CEBPZ: variants seen among roughly 807,000 people sequenced by gnomAD.
CEBPZ encodes CCAAT/enhancer-binding protein zeta.
Under a neutral mutation model 104.5 loss-of-function variants are expected in CEBPZ, and 78 were observed. The observed-to-expected ratio is 0.75, with a 90% confidence interval of 0.62 to 0.90. The LOEUF (loss-of-function observed/expected upper bound fraction) is 0.90. Among genes scored for constraint, CEBPZ ranks in the 40% least tolerant of loss-of-function variants. CEBPZ has a pLI of 0.00. For missense variants in CEBPZ, 1,439 were observed against 1,233.5 expected, an observed-to-expected ratio of 1.17 and a Z score of -2.50; for synonymous variants, 470 against 427.0, an observed-to-expected ratio of 1.10 and a Z score of -1.24.
chr2:37,222,558 A>G lies in CEBPZ; in HGVS notation c.1887T>C (p.Ser629=), dbSNP rs1258369862. 1.2e-5 allele frequency: 19 copies of G among 1,581,314 alleles called. No homozygotes were observed. The highest frequency in any genetic ancestry group is 1.5e-5 in the Non-Finnish European group (17 of 1,169,122). Residue 629 remains serine (S), a synonymous_variant, in exon 4 of 16, where the codon TCT becomes TCC. Coordinates refer to ENST00000234170, the MANE Select transcript of CEBPZ (RefSeq NM_005760.3). ...CATCAATAAAATTTTCTTCATCATC[A>G]GACTCCTAACAAAAGTATAGTTTCA... ...LRSQLDDHPE[S]DDEENFIDAN... is the part of the protein sequence containing the mutation.
intron 12 of CEBPZ, chr2:37,211,291 C>T (rs1034460979): frequency 2.0e-4 from 77 of 380,730 alleles, no homozygotes; most frequent in Non-Finnish European, 3.1e-4. Context: ...TGTGCAAGTA[C>T]AAAATTTTCT....
chr2:37,217,844 G>T (rs1664659228), intron 5 of CEBPZ, among the ~76,000 whole-genome samples: 2 of 150,274 alleles, frequency 1.3e-5, no homozygotes, highest in South Asian at 4.2e-4. Context: ...GGAACTTGGA[G>T]TGAGCCGAGA....
chr2:37,205,438 C>T (rs1475683618), intron 13 of CEBPZ, among the ~76,000 whole-genome samples: 1 of 152,214 alleles, frequency 6.6e-6, no homozygotes, highest in Non-Finnish European at 1.5e-5. Flanking sequence ...TTGTGACCCC[C>T]ACTCCTGCCA....
chr2:37,220,379 T>C lies in CEBPZ; in HGVS notation c.2154+6A>G, dbSNP rs1296001112. The C allele has an allele frequency of 2.1e-6, 3 of 1,452,872 alleles. No individual in the cohort carries two copies. The highest frequency in any genetic ancestry group is 2.8e-6 in the Non-Finnish European group (3 of 1,054,052). 90.0% of individuals were successfully genotyped at this position (1,452,872 alleles called of 1,614,324 possible). A position where few individuals can be genotyped will look rare whatever the true frequency, so the allele number is the denominator to read the frequency against. ...ATGAATAAAAGACAATTTGAAATTA[T>C]TTTACCTTTTTGAGTTCCCAAAGAC... On this transcript the variant is annotated splice_donor_region_variant and intron_variant, in intron 5 of 15. Coordinates refer to ENST00000234170, the MANE Select transcript of CEBPZ (RefSeq NM_005760.3).
intron 13 of CEBPZ, among the ~76,000 whole-genome samples, chr2:37,206,221 G>A (rs957463947): frequency 1.4e-4 from 21 of 152,242 alleles, no homozygotes; most frequent in Admixed American, 7.9e-4. Flanking sequence ...AGAACAGCGT[G>A]TGGCAACGTG....
rs886298842 is a variant in CEBPZ, at chr2:37,216,495, G to A, written c.2209-77C>T. 4.7e-6 allele frequency: 5 copies of A among 1,064,020 alleles called. No individual in the cohort carries two copies. The African/African-American group carries it at 8.0e-5, about 17-fold the overall frequency. 65.9% of individuals were successfully genotyped at this position (1,064,020 alleles called of 1,614,324 possible). On this transcript the variant is annotated intron_variant, in intron 6 of 15. Coordinates refer to ENST00000234170, the MANE Select transcript of CEBPZ (RefSeq NM_005760.3). ...TCCAAGTAAGAAAAAGGAAGAAAAA[G>A]ATAATTTCTATTACACTGTATTGAA...
chr2:37,214,642 C>T (rs191502672), intron 9 of CEBPZ, among the ~76,000 whole-genome samples: 7 of 152,158 alleles, frequency 4.6e-5, no homozygotes, highest in East Asian at 3.9e-4. Flanking sequence ...AGCAAAATGA[C>T]GGATTTGTAA....
At chr2:37,208,979 T>A in intron 13 of CEBPZ, 1 of 151,960 alleles carries the variant, frequency 6.6e-6, no homozygotes, top group East Asian at 1.9e-4. Flanking sequence ...ACCAGTAGCA[T>A]TGCTATACAC....
chr2:37,224,567 TCCC>T (rs1558476990), intron 2 of CEBPZ, among the ~76,000 whole-genome samples: 1 of 13,022 alleles, frequency 7.7e-5, no homozygotes, highest in Non-Finnish European at 1.1e-4. Flanking sequence ...ATTTAAATTT[TCCC>T]TCTTTACATT....
At chr2:37,218,005 T>C (rs567842637) in intron 5 of CEBPZ, among the ~76,000 whole-genome samples, 2 of 151,810 alleles carry the variant, frequency 1.3e-5, no homozygotes, top group South Asian at 2.1e-4. Flanking sequence ...AGGTGGCTCA[T>C]GCCTGTAATC....
chr2:37,224,877 T>C (rs147707971), intron 2 of CEBPZ, among the ~76,000 whole-genome samples: 4 of 152,290 alleles, frequency 2.6e-5, no homozygotes, highest in South Asian at 2.1e-4. Flanking sequence ...TTTTGGCAAA[T>C]AGTAATTTCA....
intron 5 of CEBPZ, among the ~76,000 whole-genome samples, chr2:37,218,216 G>A (rs77383769): frequency 0.048 from 7,281 of 151,702 alleles, 777 homozygotes; most frequent in East Asian, 0.38. Context: ...GCAGTGAGCT[G>A]AGATCGCACC....
At chr2:37,225,241 C>T (rs1664856426) in intron 2 of CEBPZ, among the ~76,000 whole-genome samples, 1 of 152,194 alleles carries the variant, frequency 6.6e-6, no homozygotes, top group South Asian at 2.1e-4. Flanking sequence ...AAATCTACAG[C>T]AAGTGGACCT....
intron 8 of CEBPZ, chr2:37,215,662 C>G (rs1298555374): frequency 3.3e-5 from 5 of 153,618 alleles, no homozygotes; most frequent in African/African-American, 1.2e-4. Context: ...AATACAACAA[C>G]AGACTCAGAT....
chr2:37,223,964 T>C (rs1664825778), intron 2 of CEBPZ, among the ~76,000 whole-genome samples: 1 of 152,250 alleles, frequency 6.6e-6, no homozygotes, highest in East Asian at 1.9e-4. Context: ...CTGCCCAGAG[T>C]GCTTCTCTCC....
chr2:37,219,836 C>T (rs1165374064), intron 5 of CEBPZ, among the ~76,000 whole-genome samples: 2 of 152,084 alleles, frequency 1.3e-5, no homozygotes, highest in East Asian at 1.9e-4. Flanking sequence ...ATGCAATAAT[C>T]TACCTACAAA....
At chr2:37,214,076 C>A in intron 9 of CEBPZ, 115 bp from the exon 10 acceptor site, 2 of 491,726 alleles carry the variant, frequency 4.1e-6, no homozygotes, top group South Asian at 3.7e-5. Context: ...TAAGTATACT[C>A]AATTGGAAAT....
In CEBPZ at chr2:37,211,986, G is replaced by C; in HGVS notation, c.2657C>G (p.Ser886Ter). 3 of 1,612,242 alleles carry C rather than the reference G, an allele frequency of 1.9e-6. No individual in the cohort carries two copies. Among genetic ancestry groups the C allele is most frequent in the Non-Finnish European group, 2.5e-6 (3 of 1,179,490 alleles). ...GAKDNTLDED[S>*]EGSDDELGNL... is the part of the protein sequence containing the mutation. ...ACCAAGTTCATCATCACTACCTTCT[G>C]AATCTTCATCTAATGTGTTATCCTT... The change falls in exon 12 of 16, where the codon TCA (serine) becomes TGA (stop). Residue 886 changes from serine to a stop codon, truncating the protein, a stop_gained. Transcript: ENST00000234170. LOFTEE classifies it high-confidence loss of function.
intron 13 of CEBPZ, among the ~76,000 whole-genome samples, chr2:37,207,770 C>G (rs1677587441): frequency 6.6e-6 from 1 of 152,100 alleles, no homozygotes; most frequent in Non-Finnish European, 1.5e-5. Flanking sequence ...AAATCAAACT[C>G]AAACCCAGCA....
Sources: gnomAD v4.1 joint callset for allele counts (sites outside exome capture counted in the v4.1 genomes callset) on GRCh38, gnomAD v4.1.1 for gene constraint, MANE v1.5 for transcripts, NCBI Gene and HGNC (gene_info 2026-07-23, HGNC 2026-07-21) for gene names.